Variants in PHLDB2 observed in about 807,000 individuals in gnomAD.
PHLDB2 encodes pleckstrin homology-like domain family B member 2.
In PHLDB2, 71 loss-of-function variants were observed where a neutral mutation model predicts 123.6. The ratio of observed to expected loss-of-function variants is 0.57; its 90% CI spans 0.47 to 0.70. The LOEUF (loss-of-function observed/expected upper bound fraction) is 0.70, where lower values mean the gene tolerates loss of function less well. Ranked by LOEUF, PHLDB2 falls within the 30% of genes least tolerant of loss-of-function variation. PHLDB2 has a pLI of 0.00. For synonymous variants in PHLDB2, 547 were observed against 541.6 expected, an observed-to-expected ratio of 1.01 and a Z score of -0.14; for missense variants, 1,446 against 1,519.5, an observed-to-expected ratio of 0.95 and a Z score of 0.80.
At chr3:111,864,749 T>G (rs771662149) in intron 1 of PHLDB2, among the ~76,000 whole-genome samples, 50 of 152,352 alleles carry the variant, frequency 3.3e-4, no homozygotes, top group Admixed American at 7.8e-4. Flanking sequence ...TTTAGTGTGT[T>G]AGGTTGATTT....
At chr3:111,972,506 TATC>T (rs2107696468) in intron 16 of PHLDB2, among the ~76,000 whole-genome samples, 2 of 136,362 alleles carry the variant, frequency 1.5e-5, no homozygotes, top group Non-Finnish European at 3.3e-5. Flanking sequence ...TAAGTCTCTT[TATC>T]ATTACAAAAG....
intron 1 of PHLDB2, among the ~76,000 whole-genome samples, chr3:111,871,753 T>G (rs1257846826): frequency 2.0e-5 from 3 of 152,256 alleles, no homozygotes; most frequent in African/African-American, 7.2e-5. Flanking sequence ...ATAAATTCAC[T>G]GTTGTCGATT....
chr3:111,772,545 T>G (rs1319882129), intron 1 of PHLDB2, among the ~76,000 whole-genome samples: 2 of 152,176 alleles, frequency 1.3e-5, no homozygotes, highest in South Asian at 4.1e-4. Flanking sequence ...GTCCCTGAAC[T>G]CAGAAATGCC....
intron 1 of PHLDB2, among the ~76,000 whole-genome samples, chr3:111,805,245 G>T (rs6772930): frequency 0.35 from 52,952 of 151,792 alleles, 9,568 homozygotes; most frequent in East Asian, 0.48. Context: ...ATCCATACAA[G>T]CTAATACTAC....
intron 1 of PHLDB2, among the ~76,000 whole-genome samples, chr3:111,785,931 A>T (rs1192642032): frequency 6.6e-6 from 1 of 152,190 alleles, no homozygotes; most frequent in African/African-American, 2.4e-5. Flanking sequence ...ATTAGGAAGG[A>T]TTGGCATGAA....
At position 111,939,510 on chromosome 3, in the gene PHLDB2, T is replaced by C. The variant is rs750986367; in HGVS notation, c.2166T>C (p.Phe722=). 6.2e-7 allele frequency: 1 copy of C among 1,613,514 alleles called. No individual in the cohort carries two copies. Among genetic ancestry groups the C allele is most frequent in the Non-Finnish European group, 8.5e-7 (1 of 1,179,772 alleles). The change falls in exon 7 of 18, where the codon TTT becomes TTC. Residue 722 remains phenylalanine (F), a synonymous_variant. Transcript: ENST00000431670. ...ADLLDVESKH[F]EDLEFQQLEH... ...TGTTGGATGTTGAAAGCAAACACTT[T>C]GAAGACCTGGAGTTCCAGCAGCTTG...
chr3:111,931,817 T>G (rs1294172132), intron 5 of PHLDB2, among the ~76,000 whole-genome samples: 1 of 152,230 alleles, frequency 6.6e-6, no homozygotes, highest in African/African-American at 2.4e-5. Context: ...TTCCAAAACT[T>G]GCCATACAAA....
chr3:111,897,364 G>GT (rs1356184513), intron 2 of PHLDB2, among the ~76,000 whole-genome samples: 2 of 152,102 alleles, frequency 1.3e-5, no homozygotes, highest in Non-Finnish European at 2.9e-5. Flanking sequence ...AGAGTCTTCT[G>GT]TTTTTTTCCC....
chr3:111,794,674 G>A (rs1032931557), intron 1 of PHLDB2, among the ~76,000 whole-genome samples: 2 of 152,186 alleles, frequency 1.3e-5, no homozygotes, highest in African/African-American at 2.4e-5. Flanking sequence ...ATTTCACTGT[G>A]TCCTAAATTG....
intron 1 of PHLDB2, among the ~76,000 whole-genome samples, chr3:111,834,054 T>C (rs1559857759): frequency 8.9e-6 from 1 of 112,532 alleles, no homozygotes; most frequent in African/African-American, 4.2e-5. Context: ...GAATTATATA[T>C]AATATATGTA....
At chr3:111,798,728 A>C (rs1301525981) in intron 1 of PHLDB2, among the ~76,000 whole-genome samples, 2 of 132,950 alleles carry the variant, frequency 1.5e-5, no homozygotes, top group African/African-American at 5.2e-5. Flanking sequence ...TTTATCTTTA[A>C]TCTGAACAAT....
intron 2 of PHLDB2, chr3:111,911,582 A>G (rs1174771528): frequency 1.3e-6 from 2 of 1,529,468 alleles, no homozygotes; most frequent in Non-Finnish European, 8.8e-7. Context: ...AACTGAAGAG[A>G]TAAATAAGTA....
intron 1 of PHLDB2, among the ~76,000 whole-genome samples, chr3:111,842,983 C>T (rs979366887): frequency 6.6e-6 from 1 of 152,196 alleles, no homozygotes; most frequent in African/African-American, 2.4e-5. Flanking sequence ...AGATAAATCA[C>T]GCTTTATCCA....
At chr3:111,777,980 GT>G (rs1251905486) in intron 1 of PHLDB2, among the ~76,000 whole-genome samples, 1 of 151,920 alleles carries the variant, frequency 6.6e-6, no homozygotes, top group Non-Finnish European at 1.5e-5. Context: ...CAGCAGATAT[GT>G]TTTATAAGCG....
rs776139862 is a variant in PHLDB2, at chr3:111,885,372, A to G, written c.1295A>G (p.Gln432Arg). ...GACCTGATGGATTATCACCGGCGGCAGAGGGAGGAAAGACTCAGGGAGCAG... is the reference window on the plus strand; with the variant it reads ...GACCTGATGGATTATCACCGGCGGCGGAGGGAGGAAAGACTCAGGGAGCAG... The part of the protein sequence containing the change: ...RDDLMDYHRR[Q>R]REERLREQEM... Residue 432 changes from glutamine (Q) to arginine (R), a missense_variant, in exon 2 of 18, where the codon CAG becomes CGG. This residue lies in a region of PHLDB2 where 832 missense variants were observed against 831.9 expected (regional missense o/e 1.00). Transcript: ENST00000431670. 45 of 1,614,060 alleles carry G rather than the reference A, an allele frequency of 2.8e-5. No individual in the cohort carries two copies. Among genetic ancestry groups the G allele is most frequent in the Non-Finnish European group, 3.6e-5 (43 of 1,180,036 alleles).
chr3:111,941,600 A>G (rs2069888286), intron 8 of PHLDB2, among the ~76,000 whole-genome samples: 1 of 152,226 alleles, frequency 6.6e-6, no homozygotes, highest in East Asian at 1.9e-4. Context: ...TGAGGCCAGG[A>G]GTTCAAGACC....
chr3:111,795,854 A>C (rs1183205207), intron 1 of PHLDB2, among the ~76,000 whole-genome samples: 1 of 152,078 alleles, frequency 6.6e-6, no homozygotes, highest in Non-Finnish European at 1.5e-5. Flanking sequence ...CCTCCCCAGC[A>C]GTTGGGATTA....
At chr3:111,843,414 A>G (rs976639182) in intron 1 of PHLDB2, among the ~76,000 whole-genome samples, 1 of 152,198 alleles carries the variant, frequency 6.6e-6, no homozygotes, top group Non-Finnish European at 1.5e-5. Context: ...TTTATTAGAC[A>G]GCGTCTTGCT....
intron 2 of PHLDB2, chr3:111,885,655 C>T (rs1576995212): frequency 2.9e-6 from 2 of 680,724 alleles, no homozygotes; most frequent in African/African-American, 1.8e-5. Flanking sequence ...GCGGACTTCT[C>T]ACAAGTATAA....
Sources: gnomAD v4.1 joint callset for allele counts (sites outside exome capture counted in the v4.1 genomes callset) on GRCh38, gnomAD v4.1.1 for gene constraint, gnomAD v4.1.1 regional missense constraint, MANE v1.5 for transcripts, NCBI Gene and HGNC (gene_info 2026-07-23, HGNC 2026-07-21) for gene names.